Variants in DCAF8L2 observed in about 807,000 individuals in gnomAD.
DCAF8L2 encodes DDB1- and CUL4-associated factor 8-like protein 2.
For synonymous variants in DCAF8L2, 200 were observed against 190.9 expected (o/e 1.05, Z -0.39); for missense variants, 430 against 490.7 (o/e 0.88, Z 1.17).
chrX:27,673,524 AAG>A (rs1930031222), intron 2 of DCAF8L2, among the ~76,000 whole-genome samples: 1 of 107,406 alleles, frequency 9.3e-6, no homozygotes, highest in African/African-American at 3.4e-5. Context: ...AAAAAAAAAA[AAG>A]ATTTGGGGTT....
intron 1 of DCAF8L2, among the ~76,000 whole-genome samples, chrX:27,594,270 C>T (rs553001030): frequency 1.3e-4 from 14 of 111,575 alleles, no homozygotes; most frequent in African/African-American, 4.5e-4. Flanking sequence ...CAATTGCAGT[C>T]AGTTTATCAT....
upstream of DCAF8L2, among the ~76,000 whole-genome samples, chrX:27,587,237 C>T (rs1031080813): frequency 1.8e-5 from 2 of 111,352 alleles, no homozygotes; most frequent in African/African-American, 6.5e-5. Context: ...CTTGCAAAAT[C>T]CTTAGAAAAG....
chrX:27,568,841 G>A, the DCAF8L2 span, among the ~76,000 whole-genome samples: 8 of 105,408 alleles, frequency 7.6e-5, no homozygotes, highest in African/African-American at 2.8e-4. Flanking sequence ...CCCACAACAG[G>A]CCCCGGTGTG....
At chrX:27,518,580 A>G in the DCAF8L2 span, 1 of 275,100 alleles carries the variant, frequency 3.6e-6, no homozygotes, top group Non-Finnish European at 6.4e-6. Flanking sequence ...TCTACTAAAA[A>G]TACAAAAAAT....
Position 27,710,425 on chromosome X carries a change from A to C in DCAF8L2, c.-142-5663A>C, listed in dbSNP as rs548804169. On this transcript the variant is annotated intron_variant, in intron 3 of 4. Coordinates refer to ENST00000451261, the MANE Select transcript of DCAF8L2 (RefSeq NM_001353450.2). ...TTTTAGTCATCCAATCCAGAATTAG[A>C]GTATTTTTCTTAATTTATTTAAATA... 2.4e-4 allele frequency among the ~76,000 whole-genome samples: 27 copies of C among 111,735 alleles called. 1 individual carries two copies. The South Asian group carries it at 0.01, about 42-fold the overall frequency.
chrX:27,719,961 T>C (rs1471325276), intron 4 of DCAF8L2, among the ~76,000 whole-genome samples: 2 of 111,121 alleles, frequency 1.8e-5, no homozygotes, highest in Admixed American at 9.6e-5. Context: ...TAAGAAACTT[T>C]GTCAAAGTCA....
intron 1 of DCAF8L2, among the ~76,000 whole-genome samples, chrX:27,621,387 A>G (rs1207876214): frequency 8.9e-6 from 1 of 111,756 alleles, no homozygotes; most frequent in East Asian, 2.8e-4. Context: ...CAAATTTTAT[A>G]TTATGTGTAT....
intron 1 of DCAF8L2, among the ~76,000 whole-genome samples, chrX:27,630,884 G>A (rs774801821): frequency 5.4e-4 from 61 of 112,119 alleles, no homozygotes; most frequent in Non-Finnish European, 6.4e-4. Context: ...TTGGCAGAAG[G>A]AGCAAGAGAG....
chrX:27,470,390 A>T, the DCAF8L2 span, among the ~76,000 whole-genome samples: 676 of 112,090 alleles, frequency 6.0e-3, 3 homozygotes, highest in African/African-American at 0.021. Flanking sequence ...GTTCCTACCC[A>T]GGTTCCTATT....
At chrX:27,560,913 C>T in the DCAF8L2 span, among the ~76,000 whole-genome samples, 1 of 112,237 alleles carries the variant, frequency 8.9e-6, no homozygotes, top group Non-Finnish European at 1.9e-5. Context: ...TTTGCCAAAT[C>T]TTATGGCCTA....
chrX:27,728,689 A>T (rs1194638374), intron 4 of DCAF8L2, among the ~76,000 whole-genome samples: 1 of 111,639 alleles, frequency 9.0e-6, no homozygotes, highest in East Asian at 2.8e-4. Context: ...GGACTATTAG[A>T]TATAGATATA....
the DCAF8L2 span, among the ~76,000 whole-genome samples, chrX:27,480,801 C>G: frequency 1.8e-5 from 2 of 111,359 alleles, no homozygotes; most frequent in Non-Finnish European, 3.8e-5. Context: ...CCTACTGGAC[C>G]CTAACTGATA....
chrX:27,547,513 A>C, the DCAF8L2 span, among the ~76,000 whole-genome samples: 1 of 112,185 alleles, frequency 8.9e-6, no homozygotes, highest in East Asian at 2.8e-4. Context: ...ACAGTTCTGC[A>C]TGGCTGGAGA....
the DCAF8L2 span, among the ~76,000 whole-genome samples, chrX:27,533,164 GAGAAAGAAAGAAAGAAAGAAAGAAAGAA>G: frequency 5.9e-3 from 102 of 17,353 alleles, 1 homozygote; most frequent in Middle Eastern, 0.022. Flanking sequence ...GAGAGAGAGA[GAGAAAGAAAGAAAGAAAGAAAGAAAGAA>G]AGAAAGAAAG....
At position 27,653,761 on chromosome X, in the gene DCAF8L2, C is replaced by CACACAA. The variant is rs1216615987; in HGVS notation, c.-220+21762_-220+21763insCACAAA. ...ACACACACACACACACACACACACA[C>CACACAA]AACATATATTTCCAGGAAGATTTTA... On this transcript the variant is annotated intron_variant, in intron 2 of 4. Coordinates refer to ENST00000451261, the MANE Select transcript of DCAF8L2 (RefSeq NM_001353450.2). 2.4e-3 allele frequency among the ~76,000 whole-genome samples: 261 copies of CACACAA among 107,197 alleles called. 2 individuals are homozygous for CACACAA. Among genetic ancestry groups the CACACAA allele is most frequent in the Admixed American group, 0.012 (118 of 9,834 alleles). The allele number at this position is 107,197 out of a possible 115,157, so 93.1% of individuals were successfully genotyped here.
chrX:27,521,620 C>T, the DCAF8L2 span, among the ~76,000 whole-genome samples: 7 of 111,822 alleles, frequency 6.3e-5, no homozygotes, highest in Admixed American at 1.9e-4. Context: ...AATATATTCA[C>T]AGTATACACC....
the DCAF8L2 span, among the ~76,000 whole-genome samples, chrX:27,542,209 A>G: frequency 1.8e-5 from 2 of 111,540 alleles, no homozygotes; most frequent in Non-Finnish European, 3.8e-5. Flanking sequence ...TCCTTTGGCT[A>G]TATACCCAGT....
At chrX:27,526,410 C>A in the DCAF8L2 span, among the ~76,000 whole-genome samples, 7 of 112,016 alleles carry the variant, frequency 6.2e-5, no homozygotes, top group African/African-American at 1.3e-4. Flanking sequence ...ACTGGTTATT[C>A]TAGTTAGCCA....
At chrX:27,622,084 G>C in intron 1 of DCAF8L2, among the ~76,000 whole-genome samples, 1 of 110,555 alleles carries the variant, frequency 9.0e-6, no homozygotes, top group Non-Finnish European at 1.9e-5. Context: ...CAAATTTGAA[G>C]ACGTACATCA....
Sources: gnomAD v4.1 joint callset for allele counts (sites outside exome capture counted in the v4.1 genomes callset) on GRCh38, gnomAD v4.1.1 for gene constraint, MANE v1.5 for transcripts, NCBI Gene and HGNC (gene_info 2026-07-23, HGNC 2026-07-21) for gene names.